Variants in ERAP1 observed in about 807,000 individuals in gnomAD.
The protein encoded by ERAP1 is endoplasmic reticulum aminopeptidase 1, also known as adipocyte-derived leucine aminopeptidase.
ERAP1 carries 86 observed loss-of-function variants against 103.7 expected under a neutral mutation model. The ratio of observed to expected loss-of-function variants is 0.83; its 90% CI spans 0.70 to 0.99. ERAP1 has a LOEUF of 0.99. Ranked by LOEUF, ERAP1 falls within the 50% of genes least tolerant of loss-of-function variation. The pLI is 0.00. For synonymous variants in ERAP1, 398 were observed against 402.4 expected, an observed-to-expected ratio of 0.99 and a Z score of 0.13; for missense variants, 1,009 against 1,128.4, an observed-to-expected ratio of 0.89 and a Z score of 1.52.
chr5:96,764,390 A>G (rs1473615874), intron 19 of ERAP1, among the ~76,000 whole-genome samples: 1 of 152,206 alleles, frequency 6.6e-6, no homozygotes, highest in East Asian at 1.9e-4. Flanking sequence ...TGTTAGAGGA[A>G]ATAAGCTATC....
Position 96,785,821 on chromosome 5 carries a change from G to T in ERAP1, c.1910C>A (p.Ala637Glu). 3.1e-6 allele frequency: 5 copies of T among 1,614,076 alleles called. No homozygotes were observed. The highest frequency in any genetic ancestry group is 3.3e-5 in the Admixed American group (2 of 60,026). Residue 637 changes from alanine (A) to glutamate (E), a missense_variant, in exon 13 of 19, where the codon GCG becomes GAG. By Grantham distance (107) the Ala-to-Glu change is moderately radical. This residue lies in a region of ERAP1 where 611 missense variants were observed against 651.7 expected (regional missense o/e 0.94). Coordinates refer to ENST00000443439, the MANE Select transcript of ERAP1 (RefSeq NM_001040458.3). Reference sequence around the variant, plus strand: ...CTGAAATGCATTGTTAATGAGACTCGCCCGATCATTACTGCTGACTGCTGT... The same window carrying T: ...CTGAAATGCATTGTTAATGAGACTCTCCCGATCATTACTGCTGACTGCTGT... The part of the protein sequence containing the change: ...THTAVSSNDR[A>E]SLINNAFQLV...
chr5:96,861,032 A>G, the ERAP1 span, among the ~76,000 whole-genome samples: 2 of 152,036 alleles, frequency 1.3e-5, no homozygotes, highest in Admixed American at 6.6e-5. Flanking sequence ...ACAAGGTCAA[A>G]ACCTGCCTTT....
chr5:96,842,003 G>A, the ERAP1 span, among the ~76,000 whole-genome samples: 25 of 152,124 alleles, frequency 1.6e-4, no homozygotes, highest in South Asian at 3.1e-3. Context: ...TGTCCTCACA[G>A]CTTAGCTCCC....
At chr5:96,896,358 T>C in the ERAP1 span, 1 of 1,595,620 alleles carries the variant, frequency 6.3e-7, no homozygotes, top group South Asian at 1.1e-5. Context: ...ACTAAACATT[T>C]TTCTCCCTGT....
chr5:96,851,557 C>A, the ERAP1 span, among the ~76,000 whole-genome samples: 1 of 152,132 alleles, frequency 6.6e-6, no homozygotes, highest in Middle Eastern at 3.2e-3. Flanking sequence ...TGGTTTCTTT[C>A]TTTTCCCAGG....
At chr5:96,820,682 T>C in the ERAP1 span, among the ~76,000 whole-genome samples, 2 of 152,244 alleles carry the variant, frequency 1.3e-5, no homozygotes, top group South Asian at 2.1e-4. Context: ...AAGCAAATGC[T>C]GATTAGTTAG....
rs551402356 is a variant in ERAP1 at position 96,765,151 on chromosome 5, T to C, written c.2819-1923A>G. 20 of 869,034 alleles carry C rather than the reference T, an allele frequency of 2.3e-5. No individual in the cohort carries two copies. In the African/African-American group the frequency reaches 3.4e-4, roughly 15 times the overall value. The allele number at this position is 869,034 out of a possible 1,614,324, so 53.8% of individuals were successfully genotyped here. A position where few individuals can be genotyped will look rare whatever the true frequency, so the allele number is the denominator to read the frequency against. The stretch of plus-strand genomic sequence containing the variant: ...CAGGTTCCCTCCTGAAAAGATGGAG[T>C]TCCTGGGCTAATTTGCCTCTGATAC... On this transcript the variant is annotated intron_variant, in intron 19 of 19. Transcript: ENST00000296754.
At chr5:96,855,194 T>C in the ERAP1 span, among the ~76,000 whole-genome samples, 1 of 152,228 alleles carries the variant, frequency 6.6e-6, no homozygotes, top group Non-Finnish European at 1.5e-5. Context: ...ATGGTAGAGA[T>C]AATTAACATT....
At chr5:96,896,972 T>C in the ERAP1 span, 1 of 859,908 alleles carries the variant, frequency 1.2e-6, no homozygotes, top group Non-Finnish European at 1.6e-6. Context: ...ATATTTATTC[T>C]GCTTGCTATG....
chr5:96,775,032 A>G lies in ERAP1; in HGVS notation c.*1364T>C, dbSNP rs1206349960. ...TTCCGCACCTTAGAGTCAGCGCAAA[A>G]CACGCTGCAACTTGAATCAAGTCAG... is the stretch of plus-strand genomic sequence containing the variant. On this transcript the variant is annotated 3_prime_UTR_variant, in exon 19 of 19. Coordinates refer to ENST00000443439, the MANE Select transcript of ERAP1 (RefSeq NM_001040458.3). 6.1e-6 allele frequency: 6 copies of G among 984,248 alleles called. No homozygotes were observed. The African/African-American group carries it at 1.0e-4, about 17-fold the overall frequency. The allele number at this position is 984,248 out of a possible 1,614,324, so 61.0% of individuals were successfully genotyped here.
At chr5:96,763,227 A>T (rs1421457169) in exon 20 of ERAP1, 1 of 780,778 alleles carries the variant, frequency 1.3e-6, no homozygotes, top group South Asian at 1.3e-5. Context: ...CTTCAGGATC[A>T]TCTGAAAATA....
chr5:96,828,389 T>C, the ERAP1 span, among the ~76,000 whole-genome samples: 2 of 152,306 alleles, frequency 1.3e-5, no homozygotes, highest in African/African-American at 4.8e-5. Context: ...ATAATAATAT[T>C]TGCCAGTCAC....
chr5:96,776,226 C>G lies in ERAP1; in HGVS notation c.*170G>C. ...TGAACAAAACACATGGTAGCGATAG[C>G]CCATTCATGAAAAACTAACAGCTAT... On this transcript the variant is annotated 3_prime_UTR_variant, in exon 19 of 19. Coordinates refer to ENST00000443439, the MANE Select transcript of ERAP1 (RefSeq NM_001040458.3). The G allele has an allele frequency of 6.7e-7, 1 of 1,498,904 alleles. No homozygotes were observed. Among genetic ancestry groups the G allele is most frequent in the East Asian group, 2.5e-5 (1 of 40,424 alleles). The allele number at this position is 1,498,904 out of a possible 1,614,324, so 92.9% of individuals were successfully genotyped here.
At chr5:96,875,326 G>A in the ERAP1 span, among the ~76,000 whole-genome samples, 1 of 152,026 alleles carries the variant, frequency 6.6e-6, no homozygotes, top group Non-Finnish European at 1.5e-5. Context: ...CTTGAGCCTA[G>A]GAGTTTGAGA....
At chr5:96,861,987 GA>G in the ERAP1 span, among the ~76,000 whole-genome samples, 2 of 151,464 alleles carry the variant, frequency 1.3e-5, no homozygotes, top group Admixed American at 6.6e-5. Context: ...GATTCTTTTT[GA>G]AAAAAAAATC....
the ERAP1 span, among the ~76,000 whole-genome samples, chr5:96,865,020 T>C: frequency 6.6e-6 from 1 of 152,220 alleles, no homozygotes; most frequent in African/African-American, 2.4e-5. Context: ...TGTTTTATTT[T>C]TGTCCTTTAA....
In ERAP1 at chr5:96,790,707, A is replaced by T. The variant is rs73144471; in HGVS notation, c.1321-64T>A. 3.6e-3 allele frequency: 5,221 copies of T among 1,453,544 alleles called. 144 individuals are homozygous for T. In the African/African-American group the frequency reaches 0.061, roughly 17 times the overall value. The allele number at this position is 1,453,544 out of a possible 1,614,324, so 90.0% of individuals were successfully genotyped here. ...ATTGCAGTCTCATCTGAAATCACAT[A>T]TTCTTTTGCAATAAAACACATTTCT... On this transcript the variant is annotated intron_variant, in intron 8 of 18. Transcript: ENST00000443439.
At chr5:96,790,870 T>C (rs555311672) in intron 8 of ERAP1, among the ~76,000 whole-genome samples, 3 of 152,328 alleles carry the variant, frequency 2.0e-5, no homozygotes, top group Admixed American at 1.3e-4. Context: ...AGGCCCTTAT[T>C]TTCTATCAGT....
intron 19 of ERAP1, chr5:96,765,454 G>A (rs546381884): frequency 5.0e-6 from 3 of 595,274 alleles, no homozygotes; most frequent in Non-Finnish European, 2.9e-6. Context: ...AAATTATAAT[G>A]AAATAGAAAA....
Sources: allele counts gnomAD v4.1 joint callset (sites outside exome capture counted in the v4.1 genomes callset), GRCh38; gene constraint gnomAD v4.1.1; regional missense constraint gnomAD v4.1.1; transcripts MANE v1.5; gene names NCBI Gene and HGNC (gene_info 2026-07-23, HGNC 2026-07-21).